The following SEMA5A variants were observed in gnomAD, a reference collection of about 807,000 sequenced individuals.
SEMA5A encodes the protein semaphorin-5A.
Under a neutral mutation model 135.5 loss-of-function variants are expected in SEMA5A, and 55 were observed. The observed-to-expected ratio is 0.41, with a 90% CI of 0.33 to 0.51. The LOEUF (loss-of-function observed/expected upper bound fraction) is 0.51. SEMA5A is among the 20% of genes least tolerant of loss of function. The probability of loss-of-function intolerance (pLI) is 0.37; values close to 1 mark genes in which losing one functional copy is unlikely to be tolerated. For synonymous variants in SEMA5A, 580 were observed against 546.5 expected (o/e 1.06, Z -0.85); for missense variants, 1,290 against 1,419.9 (o/e 0.91, Z 1.47).
chr5:9,119,201 C>T (rs1018829107), intron 14 of SEMA5A, 60 bp from the exon 15 acceptor site: 3 of 1,580,440 alleles, frequency 1.9e-6, no homozygotes, highest in Non-Finnish European at 2.6e-6. Flanking sequence ...CAAGCCCTGT[C>T]TGCACCCACG....
chr5:9,104,956 A>G (rs563018780), intron 16 of SEMA5A, among the ~76,000 whole-genome samples: 17 of 152,350 alleles, frequency 1.1e-4, no homozygotes, highest in African/African-American at 4.1e-4. Flanking sequence ...AGCTGGACAC[A>G]TGTGCCCCAG....
chr5:9,462,339 G>A (rs900224191), intron 1 of SEMA5A, among the ~76,000 whole-genome samples: 2 of 152,158 alleles, frequency 1.3e-5, no homozygotes, highest in African/African-American at 2.4e-5. Context: ...TGCTGGCGTG[G>A]TTACAGAGAA....
At chr5:9,410,156 A>G (rs754269762) in intron 2 of SEMA5A, among the ~76,000 whole-genome samples, 1 of 152,214 alleles carries the variant, frequency 6.6e-6, no homozygotes, top group Non-Finnish European at 1.5e-5. Context: ...AAGAGTATAC[A>G]TAACAGATAA....
At chr5:9,241,368 C>G (rs976528823) in intron 5 of SEMA5A, among the ~76,000 whole-genome samples, 1 of 151,930 alleles carries the variant, frequency 6.6e-6, no homozygotes, top group African/African-American at 2.4e-5. Context: ...CATAGAGATA[C>G]ACATCAGATA....
At chr5:9,323,012 G>C (rs544049618) in intron 4 of SEMA5A, among the ~76,000 whole-genome samples, 17 of 152,214 alleles carry the variant, frequency 1.1e-4, no homozygotes, top group Non-Finnish European at 5.9e-5. Context: ...TGATCTGGCT[G>C]TGATGTATGT....
intron 1 of SEMA5A, among the ~76,000 whole-genome samples, chr5:9,543,521 A>G (rs991588034): frequency 3.3e-5 from 5 of 152,240 alleles, no homozygotes; most frequent in African/African-American, 1.2e-4. Context: ...CTTTACTCGC[A>G]GCAGGGATCT....
intron 2 of SEMA5A, among the ~76,000 whole-genome samples, chr5:9,423,352 T>C (rs10513017): frequency 0.052 from 7,868 of 152,274 alleles, 267 homozygotes; most frequent in African/African-American, 0.092. Flanking sequence ...TTATCCTTAG[T>C]TATCTGTTTT....
At position 9,438,407 on chromosome 5, in the gene SEMA5A, C is replaced by T. The variant is rs367665713; in HGVS notation, c.-174-555G>A. Among the ~76,000 whole-genome samples, 4 of 152,306 alleles carry T rather than the reference C, an allele frequency of 2.6e-5. No individual in the cohort carries two copies. In the East Asian group the frequency reaches 7.7e-4, roughly 29 times the overall value. ...GAATGATGCATCGTGAAAAACAAGCCACTTTACCAAAACCAAGTAAACCTG... is the reference window on the plus strand; with the variant it reads ...GAATGATGCATCGTGAAAAACAAGCTACTTTACCAAAACCAAGTAAACCTG... On this transcript the variant is annotated intron_variant, in intron 1 of 22. Coordinates refer to ENST00000382496, the MANE Select transcript of SEMA5A (RefSeq NM_003966.3).
intron 11 of SEMA5A, among the ~76,000 whole-genome samples, chr5:9,172,146 G>A (rs903340141): frequency 6.6e-6 from 1 of 152,156 alleles, no homozygotes; most frequent in African/African-American, 2.4e-5. Context: ...AAGCTGCCAG[G>A]TGAGTCACTG....
intron 8 of SEMA5A, among the ~76,000 whole-genome samples, chr5:9,215,221 G>A: frequency 6.6e-6 from 1 of 152,222 alleles, no homozygotes; most frequent in Non-Finnish European, 1.5e-5. Context: ...AGCCTGAGAA[G>A]TAAACAGATT....
chr5:9,163,473 G>A (rs1271735097), intron 11 of SEMA5A, among the ~76,000 whole-genome samples: 3 of 152,168 alleles, frequency 2.0e-5, no homozygotes, highest in African/African-American at 4.8e-5. Context: ...TAGCTAACAT[G>A]AATTTTATGG....
chr5:9,494,369 T>A (rs1735194383), intron 1 of SEMA5A, among the ~76,000 whole-genome samples: 2 of 152,208 alleles, frequency 1.3e-5, no homozygotes, highest in South Asian at 4.1e-4. Context: ...TAGATCTCCT[T>A]TTCCTTCTGA....
intron 1 of SEMA5A, among the ~76,000 whole-genome samples, chr5:9,478,410 T>C (rs1759752674): frequency 1.3e-5 from 2 of 152,180 alleles, no homozygotes; most frequent in Admixed American, 1.3e-4. Context: ...CAGCTTGCAC[T>C]GTGCACCTGG....
rs146588113 is a variant in SEMA5A at position 9,065,301 on chromosome 5, T to C, written c.2299+1120A>G. 5.7e-3 allele frequency among the ~76,000 whole-genome samples: 872 copies of C among 152,306 alleles called. 4 individuals are homozygous for C. The highest frequency in any genetic ancestry group is 0.02 in the African/African-American group (833 of 41,580). Reference sequence around the variant, plus strand: ...CACCAGCTCCCAGGAGAAGTCATGGTGATCTGTGACACGAGAGCAGCTGGT... The same window carrying C: ...CACCAGCTCCCAGGAGAAGTCATGGCGATCTGTGACACGAGAGCAGCTGGT... On this transcript the variant is annotated intron_variant, in intron 17 of 22. Coordinates refer to ENST00000382496, the MANE Select transcript of SEMA5A (RefSeq NM_003966.3).
chr5:9,480,388 A>G (rs1759830944), intron 1 of SEMA5A, among the ~76,000 whole-genome samples: 1 of 152,148 alleles, frequency 6.6e-6, no homozygotes. Context: ...CTGACTGGAG[A>G]ATATTAACCG....
intron 16 of SEMA5A, among the ~76,000 whole-genome samples, chr5:9,086,470 T>C (rs1264855414): frequency 6.6e-6 from 1 of 152,178 alleles, no homozygotes; most frequent in East Asian, 1.9e-4. Flanking sequence ...GGAGTTTCCC[T>C]GCACGAGCTC....
chr5:9,114,238 T>C (rs1740392742), intron 15 of SEMA5A, among the ~76,000 whole-genome samples: 2 of 152,212 alleles, frequency 1.3e-5, no homozygotes, highest in Non-Finnish European at 2.9e-5. Flanking sequence ...ATGTGACATA[T>C]CTATAATAGG....
chr5:9,129,784 GCTTTACATGTATTAACTC>G (rs1010735247), intron 13 of SEMA5A, among the ~76,000 whole-genome samples: 1 of 152,092 alleles, frequency 6.6e-6, no homozygotes, highest in Admixed American at 6.5e-5. Flanking sequence ...CAGGCACTGT[GCTTTACATGTATTAACTC>G]CTTGAATCTT....
At position 9,062,941 on chromosome 5, in the gene SEMA5A, G is replaced by A. The variant is rs1737263234; in HGVS notation, c.2464C>T (p.Pro822Ser). 6.2e-7 allele frequency: 1 copy of A among 1,614,112 alleles called. No homozygotes were observed. The highest frequency in any genetic ancestry group is 8.5e-7 in the Non-Finnish European group (1 of 1,180,046). ...NNPEPKYGGM[P>S]CLGPSLEYQE... ...TATTCCAGAGATGGGCCAAGGCAAG[G>A]CATTCCCCCATACTTGGGTTCGGGG... The change falls in exon 18 of 23, where the codon CCT (proline) becomes TCT (serine). Residue 822 changes from proline to serine, a missense_variant. Pro to Ser is a moderately conservative substitution (Grantham distance 74, BLOSUM62 -1). Around this residue, in one of 3 missense-constraint regions of SEMA5A, gnomAD observed 1,029 missense variants for 1,086.6 expected, o/e 0.95. Coordinates refer to ENST00000382496, the MANE Select transcript of SEMA5A (RefSeq NM_003966.3).
Sources: gnomAD v4.1 joint callset for allele counts (sites outside exome capture counted in the v4.1 genomes callset) on GRCh38, gnomAD v4.1.1 for gene constraint, gnomAD v4.1.1 regional missense constraint, MANE v1.5 for transcripts, NCBI Gene and HGNC (gene_info 2026-07-23, HGNC 2026-07-21) for gene names.